Variants in NCKAP5 observed in about 807,000 individuals in gnomAD.
The protein encoded by NCKAP5 is nck-associated protein 5.
In NCKAP5, 92 loss-of-function variants were observed where a neutral mutation model predicts 167.0. The observed-to-expected ratio is 0.55, with a 90% CI of 0.47 to 0.66. The LOEUF (loss-of-function observed/expected upper bound fraction) is 0.66. Among genes scored for constraint, NCKAP5 ranks in the 30% least tolerant of loss-of-function variants. The pLI is 0.00. For missense variants in NCKAP5, 2,378 were observed against 2,315.0 expected, an observed-to-expected ratio of 1.03 and a Z score of -0.56; for synonymous variants, 891 against 877.4, an observed-to-expected ratio of 1.02 and a Z score of -0.27.
chr2:133,131,393 C>T (rs1159300765), intron 5 of NCKAP5, among the ~76,000 whole-genome samples: 1 of 152,170 alleles, frequency 6.6e-6, no homozygotes, highest in African/African-American at 2.4e-5. Context: ...ACATCACCTA[C>T]CATCTTTACC....
intron 13 of NCKAP5, among the ~76,000 whole-genome samples, chr2:132,789,610 G>T (rs978552154): frequency 1.3e-5 from 2 of 152,174 alleles, no homozygotes; most frequent in Non-Finnish European, 2.9e-5. Flanking sequence ...TTAGGGAATG[G>T]ATAAAACAGC....
intron 8 of NCKAP5, among the ~76,000 whole-genome samples, chr2:132,948,583 A>G (rs1482553408): frequency 2.6e-5 from 4 of 152,192 alleles, no homozygotes; most frequent in Non-Finnish European, 5.9e-5. Context: ...GTGGAATGGC[A>G]AATGGTAACA....
At chr2:132,989,873 CT>C (rs2077400760) in intron 7 of NCKAP5, among the ~76,000 whole-genome samples, 2 of 152,292 alleles carry the variant, frequency 1.3e-5, no homozygotes, top group South Asian at 4.1e-4. Context: ...CCTCTACGAG[CT>C]TTGCCATAAA....
chr2:133,223,859 A>C (rs2086767060), intron 4 of NCKAP5, among the ~76,000 whole-genome samples: 1 of 152,190 alleles, frequency 6.6e-6, no homozygotes, highest in Non-Finnish European at 1.5e-5. Context: ...AAAGCACAAG[A>C]CTTTAATAAA....
intron 11 of NCKAP5, among the ~76,000 whole-genome samples, chr2:132,835,719 C>T (rs1474077061): frequency 6.6e-6 from 1 of 151,892 alleles, no homozygotes; most frequent in Non-Finnish European, 1.5e-5. Context: ...TCCTCCAAAT[C>T]TTTTACTGCC....
At chr2:132,997,403 T>C (rs1237176554) in intron 6 of NCKAP5, among the ~76,000 whole-genome samples, 1 of 152,232 alleles carries the variant, frequency 6.6e-6, no homozygotes, top group African/African-American at 2.4e-5. Context: ...CTGTTCCCTA[T>C]ATTTTCACAA....
chr2:133,587,705 C>T, the NCKAP5 span, among the ~76,000 whole-genome samples: 1 of 152,196 alleles, frequency 6.6e-6, no homozygotes, highest in Non-Finnish European at 1.5e-5. Flanking sequence ...TCATCTCTTC[C>T]CCATGCCTTG....
At chr2:133,295,650 A>G (rs187539906) in intron 4 of NCKAP5, among the ~76,000 whole-genome samples, 706 of 152,286 alleles carry the variant, frequency 4.6e-3, no homozygotes, top group Non-Finnish European at 7.4e-3. Context: ...ATATGCCCAG[A>G]GACATTTTTG....
chr2:132,896,261 A>G (rs1175531052), intron 8 of NCKAP5, among the ~76,000 whole-genome samples: 2 of 152,244 alleles, frequency 1.3e-5, no homozygotes. Flanking sequence ...TCTAGAAACC[A>G]CATTTCCTGT....
chr2:132,905,090 G>A (rs955812589), intron 8 of NCKAP5, among the ~76,000 whole-genome samples: 1 of 151,944 alleles, frequency 6.6e-6, no homozygotes, highest in African/African-American at 2.4e-5. Context: ...GCTTAATAAT[G>A]TTTCAATTAT....
the NCKAP5 span, among the ~76,000 whole-genome samples, chr2:133,601,548 G>C: frequency 6.6e-6 from 1 of 152,020 alleles, no homozygotes. Context: ...TGGCCAACAT[G>C]GTAAAACCCC....
chr2:133,497,553 G>A (rs1365394874), intron 3 of NCKAP5, among the ~76,000 whole-genome samples: 1 of 152,140 alleles, frequency 6.6e-6, no homozygotes, highest in Non-Finnish European at 1.5e-5. Flanking sequence ...GCTGACAATG[G>A]TGCTGCCTCC....
rs561408171 is a variant in NCKAP5, at chr2:133,187,936, G to A, written c.207+25780C>T. 2.6e-5 allele frequency among the ~76,000 whole-genome samples: 4 copies of A among 152,168 alleles called. No homozygotes were observed. In the South Asian group the frequency reaches 6.2e-4, roughly 24 times the overall value. On this transcript the variant is annotated intron_variant, in intron 5 of 19. Transcript: ENST00000409261. ...GGTCTTGAATCTATCCAATTTGCCAGTCTGTGTCTTTTAATTGGAGCATTT... is the reference window on the plus strand; with the variant it reads ...GGTCTTGAATCTATCCAATTTGCCAATCTGTGTCTTTTAATTGGAGCATTT...
intron 4 of NCKAP5, among the ~76,000 whole-genome samples, chr2:133,215,503 C>A (rs193045923): frequency 1.1e-4 from 17 of 152,258 alleles, no homozygotes; most frequent in African/African-American, 3.8e-4. Context: ...ACTATATGTT[C>A]ACCAAAAGAC....
chr2:133,016,455 G>T (rs986835783), intron 6 of NCKAP5, among the ~76,000 whole-genome samples: 4 of 152,178 alleles, frequency 2.6e-5, no homozygotes, highest in African/African-American at 4.8e-5. Context: ...ATCTTTACAG[G>T]CCTTCCGTGT....
At chr2:132,820,191 G>T (rs1475853756) in intron 11 of NCKAP5, among the ~76,000 whole-genome samples, 1 of 151,910 alleles carries the variant, frequency 6.6e-6, no homozygotes, top group Non-Finnish European at 1.5e-5. Context: ...AGAGAAATGG[G>T]ATAGCAGGTA....
chr2:132,730,712 C>A (rs1257456378), intron 17 of NCKAP5, among the ~76,000 whole-genome samples: 2 of 152,226 alleles, frequency 1.3e-5, no homozygotes, highest in African/African-American at 4.8e-5. Context: ...ATGGAGTACA[C>A]AACCTATAAC....
intron 3 of NCKAP5, among the ~76,000 whole-genome samples, chr2:133,402,575 G>T (rs1334351534): frequency 6.6e-6 from 1 of 152,134 alleles, no homozygotes; most frequent in African/African-American, 2.4e-5. Flanking sequence ...GTGTTCGTGG[G>T]CCTGGATCCC....
chr2:133,466,692 G>A (rs954970776), intron 3 of NCKAP5, among the ~76,000 whole-genome samples: 1 of 152,180 alleles, frequency 6.6e-6, no homozygotes, highest in African/African-American at 2.4e-5. Flanking sequence ...TCCTTGAGCA[G>A]TGGTTTGTAA....
Sources: allele counts gnomAD v4.1 joint callset (sites outside exome capture counted in the v4.1 genomes callset), GRCh38; gene constraint gnomAD v4.1.1; transcripts MANE v1.5; gene names NCBI Gene and HGNC (gene_info 2026-07-23, HGNC 2026-07-21).